The following CES5A variants were observed in gnomAD, a reference collection of about 807,000 sequenced individuals.
CES5A encodes the protein carboxylesterase 5A.
CES5A carries 67 observed loss-of-function variants against 62.9 expected under a neutral mutation model. The ratio of observed to expected loss-of-function variants is 1.07; its 90% CI spans 0.88 to 1.31. CES5A has a LOEUF of 1.31. CES5A is among the 50% of genes most tolerant of loss of function. The pLI is 0.00. For synonymous variants in CES5A, 296 were observed against 280.8 expected (o/e 1.05, Z -0.54); for missense variants, 748 against 708.5 (o/e 1.06, Z -0.63).
intron 4 of CES5A, among the ~76,000 whole-genome samples, chr16:55,866,807 C>T (rs1323405921): frequency 6.6e-6 from 1 of 151,796 alleles, no homozygotes; most frequent in East Asian, 1.9e-4. Context: ...CACTGCACTC[C>T]AGCCTGGGCA....
chr16:55,866,224 G>A (rs1422527253), intron 4 of CES5A, 108 bp from the exon 5 acceptor site: 10 of 1,044,838 alleles, frequency 9.6e-6, no homozygotes, highest in South Asian at 7.4e-5. Context: ...GGGAGGGGGC[G>A]GAGAGTCAGA....
At chr16:55,875,781 G>C (rs550780749), upstream of CES5A, among the ~76,000 whole-genome samples, 1 of 152,122 alleles carries the variant, frequency 6.6e-6, no homozygotes, top group East Asian at 1.9e-4. Context: ...AGGCTTCTTC[G>C]ATTATATTAT....
intron 1 of CES5A, among the ~76,000 whole-genome samples, chr16:55,874,556 T>G (rs1567336039): frequency 6.6e-6 from 1 of 152,154 alleles, no homozygotes; most frequent in Non-Finnish European, 1.5e-5. Context: ...GTAATGACAT[T>G]TATGGAATTG....
At chr16:55,955,998 AT>A (rs1349166007) in exon 1 of CES5A, 16 of 1,169,304 alleles carry the variant, frequency 1.4e-5, no homozygotes, top group Non-Finnish European at 1.8e-5. Context: ...GAAAAGTCAA[AT>A]GAGTTCACCA....
chr16:55,860,926 C>G (rs763642611), intron 7 of CES5A, among the ~76,000 whole-genome samples: 4 of 152,198 alleles, frequency 2.6e-5, no homozygotes, highest in Admixed American at 6.5e-5. Context: ...TTAACTGTCA[C>G]TGATTGAAAG....
At chr16:55,928,898 T>C (rs558498393), upstream of CES5A, among the ~76,000 whole-genome samples, 1 of 152,204 alleles carries the variant, frequency 6.6e-6, no homozygotes, top group Non-Finnish European at 1.5e-5. Flanking sequence ...GACTCAGAGG[T>C]CCCAGGTGAC....
In CES5A at chr16:55,949,201, T is replaced by C. The variant is rs373152473; in HGVS notation, c.160+584A>G. ...ATGAGGTTTATTAGGGTGTTGATCT[T>C]GGGGTCACTGCCAGCGTAATGAAGG... On this transcript the variant is annotated intron_variant, in intron 2 of 13. Transcript: ENST00000521992. Among the ~76,000 whole-genome samples, 528 of 143,016 alleles carry C rather than the reference T, an allele frequency of 3.7e-3. 2 individuals are homozygous for C. Among genetic ancestry groups the C allele is most frequent in the African/African-American group, 0.011 (438 of 38,616 alleles). 93.8% of individuals were successfully genotyped at this position (143,016 alleles called of 152,430 possible).
At position 55,850,545 on chromosome 16, in the gene CES5A, A is replaced by G. The variant is rs151292101; in HGVS notation, c.1274-772T>C. ...TTACAAGGCTCATCTGTGTTGTAGC[A>G]TCCGTCCGTATTTCATTTCTTTTTA... On this transcript the variant is annotated intron_variant, in intron 10 of 12. Transcript: ENST00000290567. 2.1e-3 allele frequency among the ~76,000 whole-genome samples: 318 copies of G among 152,342 alleles called. 1 individual carries two copies. The highest frequency in any genetic ancestry group is 7.4e-3 in the African/African-American group (308 of 41,576).
intron 1 of CES5A, among the ~76,000 whole-genome samples, chr16:55,891,434 A>G (rs2033876779): frequency 6.6e-6 from 1 of 152,246 alleles, no homozygotes; most frequent in African/African-American, 2.4e-5. Context: ...GGTGGTTAGA[A>G]CACAGCTTGG....
chr16:55,905,407 C>T (rs1050923505), intron 1 of CES5A, among the ~76,000 whole-genome samples: 1 of 151,044 alleles, frequency 6.6e-6, no homozygotes, highest in Non-Finnish European at 1.5e-5. Flanking sequence ...CGCTCTGTCA[C>T]CCAGGCTGGA....
intron 1 of CES5A, among the ~76,000 whole-genome samples, chr16:55,915,274 C>T (rs916312383): frequency 2.6e-5 from 4 of 152,194 alleles, no homozygotes; most frequent in South Asian, 4.1e-4. Context: ...GGCCAAGGCC[C>T]TAATTGGATG....
chr16:55,866,636 T>C (rs1174182963), intron 4 of CES5A, among the ~76,000 whole-genome samples: 1 of 132,096 alleles, frequency 7.6e-6, no homozygotes, highest in Admixed American at 7.9e-5. Flanking sequence ...TCCTGACTAA[T>C]ATAGTGAAAC....
intron 4 of CES5A, chr16:55,869,397 C>T (rs6499797): frequency 0.72 from 644,738 of 894,474 alleles, 234,259 homozygotes; most frequent in East Asian, 0.84. Context: ...CTCAATTAAA[C>T]TTTACCCAAG....
chr16:55,940,804 C>T (rs1013770676), intron 2 of CES5A, among the ~76,000 whole-genome samples: 6 of 151,608 alleles, frequency 4.0e-5, no homozygotes, highest in African/African-American at 1.5e-4. Flanking sequence ...AAAACACATA[C>T]ACAACCAAGT....
intron 4 of CES5A, among the ~76,000 whole-genome samples, chr16:55,868,182 C>A (rs1326664439): frequency 6.6e-6 from 1 of 152,182 alleles, no homozygotes; most frequent in Non-Finnish European, 1.5e-5. Flanking sequence ...ATACGATAAG[C>A]AATTATTGAA....
chr16:55,865,911 T>G, intron 5 of CES5A, 52 bp downstream of exon 5: 1 of 1,605,508 alleles, frequency 6.2e-7, no homozygotes, highest in South Asian at 1.1e-5. Context: ...CATCATCATT[T>G]TTGGAACCTC....
intron 1 of CES5A, among the ~76,000 whole-genome samples, chr16:55,905,412 G>T (rs1396320773): frequency 6.6e-6 from 1 of 150,728 alleles, no homozygotes; most frequent in African/African-American, 2.4e-5. Context: ...TGTCACCCAG[G>T]CTGGAGTTCA....
chr16:55,894,512 A>AG (rs1361323572), intron 1 of CES5A, among the ~76,000 whole-genome samples: 3 of 149,764 alleles, frequency 2.0e-5, no homozygotes, highest in Non-Finnish European at 4.4e-5. Flanking sequence ...AAAAAAAAAA[A>AG]AAAGAAAAGA....
At position 55,875,282 on chromosome 16, in the gene CES5A, G is replaced by T; in HGVS notation, c.-61C>A. 6.3e-7 allele frequency: 1 copy of T among 1,585,348 alleles called. No individual in the cohort carries two copies. Among genetic ancestry groups the T allele is most frequent in the South Asian group, 1.1e-5 (1 of 87,298 alleles). ...CGGCTGCTGGCCTCAGAGAGCTTCA[G>T]TTGGGAGCCAGAAAGAGCTTCCTGT... On this transcript the variant is annotated 5_prime_UTR_variant, in exon 1 of 13. It adds an upstream start codon to the 5' untranslated region. Transcript: ENST00000290567.
Sources: gnomAD v4.1 joint callset for allele counts (sites outside exome capture counted in the v4.1 genomes callset) on GRCh38, gnomAD v4.1.1 for gene constraint, MANE v1.5 for transcripts, NCBI Gene and HGNC (gene_info 2026-07-23, HGNC 2026-07-21) for gene names.